The following ITPRID2 variants were observed in gnomAD, a reference collection of about 807,000 sequenced individuals.
ITPRID2 encodes ITPR interacting domain containing 2.
ITPRID2 carries 60 observed loss-of-function variants against 124.3 expected under a neutral mutation model. That is an observed-to-expected ratio of 0.48 (90% CI 0.39 to 0.60). ITPRID2 has a LOEUF of 0.60. ITPRID2 is among the 20% of genes least tolerant of loss of function. ITPRID2 has a pLI of 0.00. For synonymous variants in ITPRID2, 521 were observed against 542.9 expected, an observed-to-expected ratio of 0.96 and a Z score of 0.56; for missense variants, 1,553 against 1,512.2, an observed-to-expected ratio of 1.03 and a Z score of -0.45.
At position 181,929,790 on chromosome 2, in the gene ITPRID2, T is replaced by C. The variant is rs1695152267; in HGVS notation, c.*243T>C. On this transcript the variant is annotated 3_prime_UTR_variant, in exon 18 of 18. Transcript: ENST00000431877. ...AACTCTAGCAGTTTGAAAAGCCTAA[T>C]ATTTATTTGTATGTCAGTATTTTTC... is the stretch of plus-strand genomic sequence containing the variant. The C allele has an allele frequency of 1.6e-5, 8 of 494,304 alleles. No individual in the cohort carries two copies. The highest frequency in any genetic ancestry group is 2.8e-5 in the Non-Finnish European group (8 of 284,840). The allele number at this position is 494,304 out of a possible 1,614,324, so 30.6% of individuals were successfully genotyped here.
At chr2:181,926,987 C>G (rs1456973265) in intron 16 of ITPRID2, among the ~76,000 whole-genome samples, 1 of 152,122 alleles carries the variant, frequency 6.6e-6, no homozygotes, top group Non-Finnish European at 1.5e-5. Context: ...TCAGAATCTT[C>G]TGATGTTGTT....
rs1454838124 is a variant in ITPRID2, at chr2:181,902,024, G to T, written c.971G>T (p.Gly324Val). 4.3e-6 allele frequency: 7 copies of T among 1,613,758 alleles called. No homozygotes were observed. The highest frequency in any genetic ancestry group is 2.7e-5 in the African/African-American group (2 of 75,000). The change falls in exon 8 of 18, where the codon GGA becomes GTA. Residue 324 changes from glycine (G) to valine (V), a missense_variant. Gly to Val is a moderately radical substitution (Grantham distance 109). Transcript: ENST00000431877. This position sits in a 1 kb window ranked among gnomAD's most constrained non-coding sequence, Gnocchi z 4.4. Reference sequence around the variant, plus strand: ...AGTCCTTCTCCATCAGCTGAAAAAGGAAAGATTCTAAATGTTTCAGTGATT... The same window carrying T: ...AGTCCTTCTCCATCAGCTGAAAAAGTAAAGATTCTAAATGTTTCAGTGATT... The part of the protein sequence containing the change: ...SSSPSPSAEK[G>V]KILNVSVIEE...
rs115258318 is a variant in ITPRID2, at chr2:181,896,617, A to G, written c.308-291A>G. 6.6e-3 allele frequency among the ~76,000 whole-genome samples: 1,006 copies of G among 152,056 alleles called. 10 individuals are homozygous for G. The highest frequency in any genetic ancestry group is 0.023 in the African/African-American group (963 of 41,536). ...GCTCCAGGATCTGGTTTTCCATGAA[A>G]CTCTTGGTATGTAGTCTGATTGAAC... On this transcript the variant is annotated intron_variant, in intron 3 of 17. Transcript: ENST00000431877. The surrounding 1 kb of genome is among the most constrained non-coding windows in gnomAD (Gnocchi z 4.3).
intron 15 of ITPRID2, among the ~76,000 whole-genome samples, 160 bp downstream of exon 15, chr2:181,920,822 G>C (rs1694427585): frequency 6.6e-6 from 1 of 152,110 alleles, no homozygotes; most frequent in Non-Finnish European, 1.5e-5. Context: ...GTCCATTGCT[G>C]TCTGAAGCCA....
At chr2:181,912,007 T>C (rs977909412) in intron 9 of ITPRID2, among the ~76,000 whole-genome samples, 2 of 152,182 alleles carry the variant, frequency 1.3e-5, no homozygotes, top group African/African-American at 4.8e-5. Context: ...CAGACTGTAC[T>C]CTCTTGCAGA....
rs1694071102 is a variant in ITPRID2 at position 181,916,571 on chromosome 2, T to C, written c.2787+144T>C. On this transcript the variant is annotated intron_variant, in intron 11 of 17. Coordinates refer to ENST00000431877, the MANE Select transcript of ITPRID2 (RefSeq NM_001130445.3). ...GTCTAAACTTAATCTGCATCTGCCT[T>C]CGTTTTCTATCTTCCCTCCTGTTTC... The C allele has an allele frequency of 3.7e-6, 4 of 1,066,874 alleles. No homozygotes were observed. In the Admixed American group the frequency reaches 8.6e-5, roughly 23 times the overall value. The allele number at this position is 1,066,874 out of a possible 1,614,324, so 66.1% of individuals were successfully genotyped here. A position where few individuals can be genotyped will look rare whatever the true frequency, so the allele number is the denominator to read the frequency against.
In ITPRID2 at chr2:181,892,301, GGGGGGA is replaced by G. The variant is rs1395882621; in HGVS notation, c.211+27_211+32del. ...AGGTCGGTGCTCCCGGCCGGGCTCC[GGGGGGA>G]GGCTGGTGGGCTGGGGAGAGTCTCG... On this transcript the variant is annotated intron_variant, in intron 1 of 17. Transcript: ENST00000431877. The surrounding 1 kb of genome is among the most constrained non-coding windows in gnomAD (Gnocchi z 5.2). 4.0e-5 allele frequency: 62 copies of G among 1,531,560 alleles called. No homozygotes were observed. The highest frequency in any genetic ancestry group is 5.4e-5 in the Non-Finnish European group (61 of 1,138,478). 94.9% of individuals were successfully genotyped at this position (1,531,560 alleles called of 1,614,324 possible). A position where few individuals can be genotyped will look rare whatever the true frequency, so the allele number is the denominator to read the frequency against.
At chr2:181,926,555 T>C (rs2125116300) in intron 16 of ITPRID2, among the ~76,000 whole-genome samples, 1 of 151,824 alleles carries the variant, frequency 6.6e-6, no homozygotes, top group East Asian at 2.0e-4. Context: ...CTACTAAAAA[T>C]ACAAAAAATT....
chr2:181,892,094 G>T lies in ITPRID2; in HGVS notation c.28G>T (p.Glu10Ter). The change falls in exon 1 of 18, where the codon GAG (glutamate) becomes TAG (stop). Residue 10 changes from glutamate (E) to a stop codon, truncating the protein, a stop_gained. Coordinates refer to ENST00000431877, the MANE Select transcript of ITPRID2 (RefSeq NM_001130445.3). LOFTEE classifies it high-confidence loss of function. The surrounding 1 kb of genome is among the most constrained non-coding windows in gnomAD (Gnocchi z 5.2). ...GGACCGGCCCCTGTCGTCGTCGGCG[G>T]AGGCGGAGGAGGAACTGGAGTGGCA... MDRPLSSSA[E>*]AEEELEWQVA... The T allele has an allele frequency of 6.4e-7, 1 of 1,556,058 alleles. No individual in the cohort carries two copies. Among genetic ancestry groups the T allele is most frequent in the East Asian group, 2.4e-5 (1 of 41,530 alleles).
intron 16 of ITPRID2, among the ~76,000 whole-genome samples, chr2:181,922,799 G>A (rs1031584335): frequency 6.6e-6 from 1 of 152,156 alleles, no homozygotes; most frequent in Non-Finnish European, 1.5e-5. Context: ...GCATGTGCCT[G>A]TAGTCCCAGC....
chr2:181,904,604 G>A (rs977446333), intron 8 of ITPRID2, among the ~76,000 whole-genome samples: 10 of 152,176 alleles, frequency 6.6e-5, no homozygotes, highest in Admixed American at 3.9e-4. Flanking sequence ...ATCCTATTCA[G>A]TGTAGTTTGT....
At chr2:181,903,233 C>T (rs1057293964) in intron 8 of ITPRID2, among the ~76,000 whole-genome samples, 1 of 152,216 alleles carries the variant, frequency 6.6e-6, no homozygotes, top group African/African-American at 2.4e-5. Context: ...GTGCTGGGCA[C>T]TGTTCTTGGC....
Position 181,907,363 on chromosome 2 carries a change from A to G in ITPRID2, c.1414-2536A>G, listed in dbSNP as rs955698674. ...AACTTTTTTAAATGAAGTAACCCAA[A>G]TGTGTGGGTTATTCTAAAGCTGTTT... On this transcript the variant is annotated intron_variant, in intron 8 of 17. Transcript: ENST00000431877. The surrounding 1 kb of genome is among the most constrained non-coding windows in gnomAD (Gnocchi z 5.1). Among the ~76,000 whole-genome samples the G allele has an allele frequency of 3.3e-5, 5 of 152,102 alleles. No individual in the cohort carries two copies. Among genetic ancestry groups the G allele is most frequent in the African/African-American group, 1.2e-4 (5 of 41,436 alleles).
In ITPRID2 at chr2:181,902,015, C is replaced by G; in HGVS notation, c.962C>G (p.Ala321Gly). The G allele has an allele frequency of 4.3e-6, 7 of 1,613,500 alleles. No individual in the cohort carries two copies. The highest frequency in any genetic ancestry group is 5.9e-6 in the Non-Finnish European group (7 of 1,179,806). Reference protein sequence around the residue: ...KGESSSPSPSAEKGKILNVSV... With the variant: ...KGESSSPSPSGEKGKILNVSV... The stretch of plus-strand genomic sequence containing the variant: ...GAAAGTAGTAGTCCTTCTCCATCAG[C>G]TGAAAAAGGAAAGATTCTAAATGTT... The change falls in exon 8 of 18, where the codon GCT becomes GGT. Residue 321 changes from alanine (A) to glycine (G), a missense_variant. By Grantham distance (60) the Ala-to-Gly change is moderately conservative. Coordinates refer to ENST00000431877, the MANE Select transcript of ITPRID2 (RefSeq NM_001130445.3). The surrounding 1 kb of genome is among the most constrained non-coding windows in gnomAD (Gnocchi z 4.4).
chr2:181,899,809 C>G (rs1409111733), intron 6 of ITPRID2, among the ~76,000 whole-genome samples: 1 of 152,190 alleles, frequency 6.6e-6, no homozygotes, highest in Non-Finnish European at 1.5e-5. Context: ...TTCAACTTGG[C>G]TGACAGAGTG....
chr2:181,914,094 A>C (rs1489661444), intron 10 of ITPRID2, among the ~76,000 whole-genome samples, 161 bp downstream of exon 10: 1 of 152,210 alleles, frequency 6.6e-6, no homozygotes, highest in Non-Finnish European at 1.5e-5. Flanking sequence ...TTTGACTATA[A>C]ATTTTAGATT....
chr2:181,922,804 C>T (rs1694575104), intron 16 of ITPRID2, among the ~76,000 whole-genome samples: 1 of 152,042 alleles, frequency 6.6e-6, no homozygotes, highest in Non-Finnish European at 1.5e-5. Flanking sequence ...TGCCTGTAGT[C>T]CCAGCTACTC....
chr2:181,918,819 A>T lies in ITPRID2; in HGVS notation c.2930A>T (p.Asp977Val), dbSNP rs1265739108. 1 of 1,614,090 alleles carries T rather than the reference A, an allele frequency of 6.2e-7. No individual in the cohort carries two copies. Among genetic ancestry groups the T allele is most frequent in the Non-Finnish European group, 8.5e-7 (1 of 1,180,038 alleles). ...AATTTGTTTAGAACACAAATGATGG[A>T]TTTAGAATTGGCAATGCTGCGTCAG... Reference protein sequence around the residue: ...SLNLFRTQMMDLELAMLRQQT... With the variant: ...SLNLFRTQMMVLELAMLRQQT... The change falls in exon 13 of 18, where the codon GAT (aspartate) becomes GTT (valine). Residue 977 changes from aspartate to valine, a missense_variant. Coordinates refer to ENST00000431877, the MANE Select transcript of ITPRID2 (RefSeq NM_001130445.3).
At position 181,892,669 on chromosome 2, in the gene ITPRID2, T is replaced by C. The variant is rs769927090; in HGVS notation, c.257+9T>C. On this transcript the variant is annotated intron_variant, in intron 2 of 17. Coordinates refer to ENST00000431877, the MANE Select transcript of ITPRID2 (RefSeq NM_001130445.3). This position sits in a 1 kb window ranked among gnomAD's most constrained non-coding sequence, Gnocchi z 5.2. ...TGGCTCAAGGACTGCCGGTGAGTGCTCCCTGGTCCGCCCGCGTCCCGGGGG... is the reference window on the plus strand; with the variant it reads ...TGGCTCAAGGACTGCCGGTGAGTGCCCCCTGGTCCGCCCGCGTCCCGGGGG... The C allele has an allele frequency of 1.7e-5, 27 of 1,613,548 alleles. No homozygotes were observed. The highest frequency in any genetic ancestry group is 2.7e-5 in the African/African-American group (2 of 74,818).
Sources: gnomAD v4.1 joint callset for allele counts (sites outside exome capture counted in the v4.1 genomes callset) on GRCh38, gnomAD v4.1.1 for gene constraint, Gnocchi (gnomAD v3.1) non-coding constraint, MANE v1.5 for transcripts, NCBI Gene and HGNC (gene_info 2026-07-23, HGNC 2026-07-21) for gene names.